The following DCHS2 variants were observed in gnomAD, a reference collection of about 807,000 sequenced individuals.
DCHS2 encodes the protein protocadherin-23.
DCHS2 carries 142 observed loss-of-function variants against 182.4 expected under a neutral mutation model. The ratio of observed to expected loss-of-function variants is 0.78; its 90% CI spans 0.68 to 0.89. The LOEUF (loss-of-function observed/expected upper bound fraction) is 0.89. Ranked by LOEUF, DCHS2 falls within the 40% of genes least tolerant of loss-of-function variation. DCHS2 has a pLI of 0.00. For missense variants in DCHS2, 4,319 were observed against 4,198.6 expected (o/e 1.03, Z -0.79); for synonymous variants, 1,740 against 1,663.3 (o/e 1.05, Z -1.12).
At chr4:154,306,906 C>G (rs1735460390) in intron 10 of DCHS2, among the ~76,000 whole-genome samples, 1 of 152,232 alleles carries the variant, frequency 6.6e-6, no homozygotes. Context: ...CTTCACCACT[C>G]TACTCAATAT....
At chr4:154,318,734 T>C (rs925115115) in intron 9 of DCHS2, among the ~76,000 whole-genome samples, 5 of 152,122 alleles carry the variant, frequency 3.3e-5, no homozygotes, top group African/African-American at 9.7e-5. Context: ...TGTATGTTCA[T>C]AGAGTGAAAG....
chr4:154,377,872 C>A (rs1318666615), intron 1 of DCHS2, among the ~76,000 whole-genome samples: 1 of 152,136 alleles, frequency 6.6e-6, no homozygotes, highest in South Asian at 2.1e-4. Flanking sequence ...GCTTGATGCC[C>A]CCCACCTTTG....
Position 154,236,840 on chromosome 4 carries a change from G to A in DCHS2, c.7812C>T (p.Phe2604=), listed in dbSNP as rs776559599. 6.2e-7 allele frequency: 1 copy of A among 1,614,048 alleles called. No homozygotes were observed. The highest frequency in any genetic ancestry group is 1.3e-5 in the African/African-American group (1 of 75,038). The change falls in exon 20 of 20, where the codon TTC becomes TTT. Residue 2604 remains phenylalanine, a synonymous_variant. Transcript: ENST00000357232. ...SQNNFHVETK[F]FHSEYPYKQV... The stretch of plus-strand genomic sequence containing the variant: ...GCTTATAAGGATATTCTGAATGAAA[G>A]AACTTAGTTTCCACATGAAAATTGT...
chr4:154,488,110 C>T (rs1728654102), intron 1 of DCHS2, among the ~76,000 whole-genome samples: 2 of 152,078 alleles, frequency 1.3e-5, no homozygotes, highest in Non-Finnish European at 2.9e-5. Flanking sequence ...CCTGGGAGGT[C>T]CAGGCTTCAG....
intron 1 of DCHS2, among the ~76,000 whole-genome samples, chr4:154,385,590 C>A (rs140538418): frequency 8.6e-5 from 13 of 152,022 alleles, no homozygotes; most frequent in African/African-American, 2.9e-4. Flanking sequence ...TGGGTTCAAG[C>A]GATTCTCCTG....
chr4:154,454,884 T>C (rs1486852238), intron 1 of DCHS2, among the ~76,000 whole-genome samples: 1 of 152,208 alleles, frequency 6.6e-6, no homozygotes, highest in Non-Finnish European at 1.5e-5. Context: ...AAGGCAAAGC[T>C]CACTGATTTG....
rs1210385998 is a variant in DCHS2, at chr4:154,490,150, G to C, written c.1206C>G (p.Ala402=). 5.8e-6 allele frequency: 9 copies of C among 1,548,704 alleles called. No homozygotes were observed. The highest frequency in any genetic ancestry group is 3.9e-5 in the Admixed American group (2 of 50,924). Residue 402 remains alanine (A), a synonymous_variant, in exon 1 of 20, where the codon GCC becomes GCG. Transcript: ENST00000357232. ...GCCGGTTGTCATTCACGTCCAGCAC[G>C]GCGATGGACACGCGCACCGTGGCAA... ...PEVATVRVSI[A]VLDVNDNRPA...
intron 1 of DCHS2, among the ~76,000 whole-genome samples, chr4:154,419,273 T>TA (rs1421905044): frequency 6.6e-6 from 1 of 152,248 alleles, no homozygotes; most frequent in Non-Finnish European, 1.5e-5. Flanking sequence ...GTTCTGGACT[T>TA]ACGTAGGTTA....
intron 15 of DCHS2, among the ~76,000 whole-genome samples, chr4:154,257,562 G>C (rs142482892): frequency 6.6e-6 from 1 of 152,296 alleles, no homozygotes; most frequent in East Asian, 1.9e-4. Context: ...GGATGGGAGT[G>C]GGAGGCAGGT....
chr4:154,428,004 G>A (rs1302119517), intron 1 of DCHS2, among the ~76,000 whole-genome samples: 5 of 152,176 alleles, frequency 3.3e-5, no homozygotes, highest in Non-Finnish European at 7.4e-5. Context: ...GTCTGGAGAT[G>A]CGGTCTGGAG....
chr4:154,287,773 C>A (rs539327227), intron 13 of DCHS2, among the ~76,000 whole-genome samples: 6 of 152,230 alleles, frequency 3.9e-5, no homozygotes, highest in Admixed American at 6.5e-5. Context: ...TGAGCCACAG[C>A]ACCCTGCCTA....
At chr4:154,334,119 C>CT (rs1189379373) in intron 4 of DCHS2, 3 of 152,404 alleles carry the variant, frequency 2.0e-5, no homozygotes, top group Non-Finnish European at 4.4e-5. Context: ...ATTCAAATAC[C>CT]TTTTTTTAAA....
At chr4:154,304,599 A>C in intron 12 of DCHS2, 70 bp downstream of exon 12, 22 of 1,482,448 alleles carry the variant, frequency 1.5e-5, no homozygotes, top group Non-Finnish European at 2.0e-5. Context: ...ACTGCACTCC[A>C]GCCTGGGTGA....
chr4:154,447,275 G>A (rs954245579), intron 1 of DCHS2, among the ~76,000 whole-genome samples: 1 of 152,108 alleles, frequency 6.6e-6, no homozygotes, highest in African/African-American at 2.4e-5. Flanking sequence ...CTGGGCAACA[G>A]AGGAAAACTG....
At chr4:154,445,437 C>T (rs756267856) in intron 1 of DCHS2, among the ~76,000 whole-genome samples, 4 of 152,112 alleles carry the variant, frequency 2.6e-5, no homozygotes, top group Admixed American at 6.5e-5. Flanking sequence ...ACGTATAATT[C>T]GTTCTTCTTG....
At chr4:154,252,174 T>G (rs1560985232) in intron 16 of DCHS2, among the ~76,000 whole-genome samples, 1 of 152,138 alleles carries the variant, frequency 6.6e-6, no homozygotes, top group Admixed American at 6.6e-5. Context: ...CTTTTTCAAT[T>G]TTTAATTTTT....
Position 154,489,565 on chromosome 4 carries a change from G to A in DCHS2, c.1791C>T (p.Val597=). The change falls in exon 1 of 20, where the codon GTC becomes GTT. Residue 597 remains valine (V), a synonymous_variant. Transcript: ENST00000357232. Reference sequence around the variant, plus strand: ...AAGATGGTCCACACTCTGCGGTGTGGACCATCTTTGATTGCAGGGAGCCGA... The same window carrying A: ...AAGATGGTCCACACTCTGCGGTGTGAACCATCTTTGATTGCAGGGAGCCGA... ...CNLGSLQSKM[V]HTAECGPSFA... 6.4e-7 allele frequency: 1 copy of A among 1,551,168 alleles called. No homozygotes were observed. Among genetic ancestry groups the A allele is most frequent in the Non-Finnish European group, 8.7e-7 (1 of 1,146,702 alleles).
intron 3 of DCHS2, among the ~76,000 whole-genome samples, chr4:154,351,702 G>A (rs946682648): frequency 2.6e-5 from 4 of 152,146 alleles, no homozygotes; most frequent in African/African-American, 7.2e-5. Flanking sequence ...TCAGGCATTA[G>A]TTAGATTCTC....
chr4:154,292,833 G>A (rs1447550279), intron 13 of DCHS2, among the ~76,000 whole-genome samples: 2 of 152,048 alleles, frequency 1.3e-5, no homozygotes, highest in African/African-American at 4.8e-5. Flanking sequence ...CTGCTTTTGG[G>A]ACAGGCACCC....
Sources: allele counts gnomAD v4.1 joint callset (sites outside exome capture counted in the v4.1 genomes callset), GRCh38; gene constraint gnomAD v4.1.1; transcripts MANE v1.5; gene names NCBI Gene and HGNC (gene_info 2026-07-23, HGNC 2026-07-21).